Variants in CDC14A observed in about 807,000 individuals in gnomAD.
CDC14A encodes the protein dual specificity protein phosphatase CDC14A.
A neutral mutation model predicts 74.4 loss-of-function variants in CDC14A; 53 were observed. The ratio of observed to expected loss-of-function variants is 0.71; its 90% confidence interval spans 0.57 to 0.89. The LOEUF (loss-of-function observed/expected upper bound fraction) is 0.89. CDC14A is among the 40% of genes least tolerant of loss of function. CDC14A has a pLI of 0.00. For missense variants in CDC14A, 646 were observed against 713.7 expected, an observed-to-expected ratio of 0.91 and a Z score of 1.08; for synonymous variants, 247 against 258.4, an observed-to-expected ratio of 0.96 and a Z score of 0.43.
chr1:100,504,760 G>A lies in CDC14A; in HGVS notation c.1755+5498G>A. Reference sequence around the variant, plus strand: ...CTCTGTACTGCATTTCTGTAGTATTGTATCTTTGCACCAGCATTTACCTTG... The same window carrying A: ...CTCTGTACTGCATTTCTGTAGTATTATATCTTTGCACCAGCATTTACCTTG... On this transcript the variant is annotated intron_variant, in intron 15 of 15. Transcript: ENST00000336454. The A allele has an allele frequency of 2.2e-6, 3 of 1,343,356 alleles. No homozygotes were observed. In the South Asian group the frequency reaches 3.8e-5, roughly 17 times the overall value. 83.2% of individuals were successfully genotyped at this position (1,343,356 alleles called of 1,614,324 possible).
At chr1:100,449,201 A>T (rs1335415717) in intron 7 of CDC14A, among the ~76,000 whole-genome samples, 1 of 152,172 alleles carries the variant, frequency 6.6e-6, no homozygotes, top group East Asian at 1.9e-4. Flanking sequence ...CGCATCTGGG[A>T]ACTGTTTGTG....
chr1:100,482,428 CT>C, intron 10 of CDC14A, among the ~76,000 whole-genome samples: 1 of 152,102 alleles, frequency 6.6e-6, no homozygotes, highest in East Asian at 1.9e-4. Flanking sequence ...ACATTGTTTT[CT>C]TTGCTTGGCA....
chr1:100,416,708 TC>T (rs1661572154), intron 4 of CDC14A, among the ~76,000 whole-genome samples: 1 of 152,144 alleles, frequency 6.6e-6, no homozygotes, highest in Admixed American at 6.5e-5. Context: ...CCAAAGTTTA[TC>T]TCCTTTTTGT....
intron 11 of CDC14A, among the ~76,000 whole-genome samples, chr1:100,489,743 G>A (rs1670427160): frequency 6.6e-6 from 1 of 152,168 alleles, no homozygotes; most frequent in Admixed American, 6.5e-5. Flanking sequence ...TCTGAGAGCA[G>A]ACCCCTTTCC....
In CDC14A at chr1:100,499,208, C is replaced by T. The variant is rs779179736; in HGVS notation, c.1701C>T (p.Pro567=). 6.2e-7 allele frequency: 1 copy of T among 1,614,212 alleles called. No individual in the cohort carries two copies. Among genetic ancestry groups the T allele is most frequent in the East Asian group, 2.2e-5 (1 of 44,884 alleles). ...AGGAGCACACCACCATCCTCCGACC[C>T]TCCTACACCGGGCTTTCTTCTTCTT... The part of the protein sequence containing the change: ...KTEEHTTILR[P]SYTGLSSSSA... The change falls in exon 15 of 16, where the codon CCC becomes CCT. Residue 567 remains proline (P), a synonymous_variant. Transcript: ENST00000336454.
Position 100,509,725 on chromosome 1 carries a change from C to T in CDC14A, c.1756-8526C>T, listed in dbSNP as rs538795410. ...CGTAACAGAAACCTTTGGTAAATGA[C>T]GCAGGCTCTCCTTGATAGTGAATGT... On this transcript the variant is annotated intron_variant, in intron 15 of 15. Coordinates refer to ENST00000336454, the MANE Select transcript of CDC14A (RefSeq NM_003672.4). 4.6e-5 allele frequency among the ~76,000 whole-genome samples: 7 copies of T among 152,312 alleles called. No individual in the cohort carries two copies. The South Asian group carries it at 1.0e-3, about 23-fold the overall frequency.
intron 2 of CDC14A, among the ~76,000 whole-genome samples, chr1:100,373,869 A>G (rs1323844450): frequency 2.6e-5 from 4 of 151,966 alleles, no homozygotes; most frequent in Admixed American, 1.3e-4. Context: ...TTAGTTATAT[A>G]TGTATACATG....
At chr1:100,470,495 T>C (rs1410694353) in intron 10 of CDC14A, among the ~76,000 whole-genome samples, 1 of 151,928 alleles carries the variant, frequency 6.6e-6, no homozygotes, top group Non-Finnish European at 1.5e-5. Context: ...ATTAGTAAGA[T>C]TGCAGGATAC....
intron 2 of CDC14A, among the ~76,000 whole-genome samples, chr1:100,366,901 C>A (rs915635919): frequency 2.0e-5 from 3 of 152,168 alleles, no homozygotes; most frequent in Non-Finnish European, 4.4e-5. Context: ...TGGAGAGAAT[C>A]ATTCGTTCAT....
intron 3 of CDC14A, among the ~76,000 whole-genome samples, chr1:100,380,007 T>G (rs1042243298): frequency 6.6e-6 from 1 of 152,170 alleles, no homozygotes; most frequent in African/African-American, 2.4e-5. Flanking sequence ...GGGGATCACG[T>G]GAGATTTGGA....
chr1:100,518,303 C>T lies in CDC14A; in HGVS notation c.*23C>T, dbSNP rs1557845167. ...TAAGGCCTTGCCACTCCAGTGAAAG[C>T]TGTTCTTCTCTTAGACACAATTTCT... On this transcript the variant is annotated 3_prime_UTR_variant, in exon 16 of 16. Coordinates refer to ENST00000336454, the MANE Select transcript of CDC14A (RefSeq NM_003672.4). 18 of 1,596,698 alleles carry T rather than the reference C, an allele frequency of 1.1e-5. No individual in the cohort carries two copies. Among genetic ancestry groups the T allele is most frequent in the Non-Finnish European group, 1.5e-5 (18 of 1,165,174 alleles).
At chr1:100,369,950 A>G (rs1654219646) in intron 2 of CDC14A, among the ~76,000 whole-genome samples, 1 of 151,806 alleles carries the variant, frequency 6.6e-6, no homozygotes, top group African/African-American at 2.4e-5. Flanking sequence ...AGCTAGGACT[A>G]TAGATGTATG....
At chr1:100,449,535 T>C (rs1665916021) in intron 7 of CDC14A, among the ~76,000 whole-genome samples, 1 of 152,170 alleles carries the variant, frequency 6.6e-6, no homozygotes, top group African/African-American at 2.4e-5. Context: ...TTGCACATGC[T>C]CTTGCTCCCT....
intron 2 of CDC14A, among the ~76,000 whole-genome samples, chr1:100,372,962 G>A (rs1186942181): frequency 6.6e-6 from 1 of 152,180 alleles, no homozygotes. Context: ...CTCCATATCA[G>A]CAATAAAGCT....
At chr1:100,487,308 T>C (rs1354633434) in intron 11 of CDC14A, among the ~76,000 whole-genome samples, 2 of 152,158 alleles carry the variant, frequency 1.3e-5, no homozygotes, top group Non-Finnish European at 2.9e-5. Context: ...CCTGTAATCC[T>C]GGCACTCTGG....
At chr1:100,393,559 G>C in intron 4 of CDC14A, 1 of 742,544 alleles carries the variant, frequency 1.3e-6, no homozygotes, top group South Asian at 1.3e-5. Flanking sequence ...AGGTATCTCA[G>C]GTAGTTCATA....
intron 2 of CDC14A, among the ~76,000 whole-genome samples, chr1:100,368,915 T>C (rs748451738): frequency 1.3e-5 from 2 of 152,214 alleles, no homozygotes; most frequent in Non-Finnish European, 2.9e-5. Flanking sequence ...GCTGCAAAGA[T>C]AGAACGATTT....
intron 10 of CDC14A, among the ~76,000 whole-genome samples, chr1:100,475,696 G>A (rs1668821937): frequency 1.3e-5 from 2 of 152,200 alleles, no homozygotes; most frequent in African/African-American, 2.4e-5. Context: ...GTTTTCCATC[G>A]GGTCTGCACT....
chr1:100,460,029 C>T (rs750379780), intron 8 of CDC14A, among the ~76,000 whole-genome samples: 7 of 152,206 alleles, frequency 4.6e-5, no homozygotes, highest in Admixed American at 1.3e-4. Context: ...TGGAATCTGA[C>T]TGCCAGGATT....
Sources: allele counts gnomAD v4.1 joint callset (sites outside exome capture counted in the v4.1 genomes callset), GRCh38; gene constraint gnomAD v4.1.1; transcripts MANE v1.5; gene names NCBI Gene and HGNC (gene_info 2026-07-23, HGNC 2026-07-21).